The following MCM5 variants were observed in gnomAD, a reference collection of about 807,000 sequenced individuals.
MCM5 encodes minichromosome maintenance complex component 5, also known as DNA replication licensing factor MCM5.
In MCM5, 46 loss-of-function variants were observed where a neutral mutation model predicts 79.9. That is an observed-to-expected ratio of 0.58 (90% CI 0.45 to 0.74). The LOEUF is 0.74. Among genes scored for constraint, MCM5 ranks in the 30% least tolerant of loss-of-function variants. MCM5 has a pLI of 0.00. For synonymous variants in MCM5, 404 were observed against 390.5 expected (o/e 1.03, Z -0.41); for missense variants, 883 against 1,017.0 (o/e 0.87, Z 1.79).
At position 35,424,985 on chromosome 22, in the gene MCM5, T is replaced by A. The variant is rs1932765338; in HGVS notation, c.*730T>A. On this transcript the variant is annotated 3_prime_UTR_variant, in exon 17 of 17. Transcript: ENST00000216122. Reference sequence around the variant, plus strand: ...CAGGAACTAGGACTCCAGCCAGTTCTTTCCTGGTGGGCCACGTGTAACTGT... The same window carrying A: ...CAGGAACTAGGACTCCAGCCAGTTCATTCCTGGTGGGCCACGTGTAACTGT... 6.6e-6 allele frequency: 1 copy of A among 152,248 alleles called. No individual in the cohort carries two copies. Among genetic ancestry groups the A allele is most frequent in the Non-Finnish European group, 1.5e-5 (1 of 68,042 alleles). 9.4% of individuals were successfully genotyped at this position (152,248 alleles called of 1,614,324 possible).
At chr22:35,420,066 A>G in intron 14 of MCM5, 54 bp downstream of exon 14, 2 of 1,539,350 alleles carry the variant, frequency 1.3e-6, no homozygotes, top group Non-Finnish European at 1.8e-6. Flanking sequence ...TTTACACAGC[A>G]GGGTGTGCTT....
chr22:35,400,380 A>G (rs1932000792), intron 1 of MCM5, 51 bp from the exon 2 acceptor site: 2 of 1,604,258 alleles, frequency 1.2e-6, no homozygotes, highest in African/African-American at 2.7e-5. Context: ...GGAGGGGAGG[A>G]GGTGCCAGGC....
At chr22:35,453,819 T>TATAGAGAGAGAGAG in the MCM5 span, among the ~76,000 whole-genome samples, 94 of 81,538 alleles carry the variant, frequency 1.2e-3, 1 homozygote, top group African/African-American at 4.9e-3. Context: ...TATATATATA[T>TATAGAGAGAGAGAG]AGAGAGAGAG....
At chr22:35,453,782 CA>C in the MCM5 span, among the ~76,000 whole-genome samples, 497 of 121,796 alleles carry the variant, frequency 4.1e-3, 7 homozygotes, top group African/African-American at 0.016. Flanking sequence ...TATAGGAAGA[CA>C]GAGATAGAGA....
Position 35,424,869 on chromosome 22 carries a change from T to C in MCM5, c.*614T>C, listed in dbSNP as rs879619455. 1 of 152,270 alleles carries C rather than the reference T, an allele frequency of 6.6e-6. No individual in the cohort carries two copies. The highest frequency in any genetic ancestry group is 1.9e-4 in the East Asian group (1 of 5,198). The allele number at this position is 152,270 out of a possible 1,614,324, so 9.4% of individuals were successfully genotyped here. ...CTCTCCATGCCTTAGTTTCCTTATC[T>C]GTAAGCAGGCTGATACTAGAACCTG... On this transcript the variant is annotated 3_prime_UTR_variant, in exon 17 of 17. Coordinates refer to ENST00000216122, the MANE Select transcript of MCM5 (RefSeq NM_006739.4).
chr22:35,433,304 A>G, the MCM5 span, among the ~76,000 whole-genome samples: 1 of 152,156 alleles, frequency 6.6e-6, no homozygotes, highest in Non-Finnish European at 1.5e-5. Context: ...GTATCAAGTC[A>G]CCATCCATGT....
At chr22:35,407,983 C>T (rs1285332464) in intron 5 of MCM5, among the ~76,000 whole-genome samples, 1 of 152,160 alleles carries the variant, frequency 6.6e-6, no homozygotes, top group Non-Finnish European at 1.5e-5. Context: ...GACATAATTA[C>T]CTAGGGATAC....
intron 9 of MCM5, among the ~76,000 whole-genome samples, chr22:35,414,632 A>T (rs1023872778): frequency 2.6e-5 from 4 of 151,332 alleles, no homozygotes; most frequent in Non-Finnish European, 4.4e-5. Context: ...TAATAATAAT[A>T]AATAATAATA....
chr22:35,404,398 A>C (rs1209373876), intron 4 of MCM5, among the ~76,000 whole-genome samples: 1 of 152,198 alleles, frequency 6.6e-6, no homozygotes. Context: ...TGATTTGCTA[A>C]AGAAGCAGGA....
At chr22:35,453,813 T>TAGAGAG in the MCM5 span, among the ~76,000 whole-genome samples, 21 of 94,756 alleles carry the variant, frequency 2.2e-4, no homozygotes, top group South Asian at 3.8e-4. Context: ...TATATATATA[T>TAGAGAG]ATATATAGAG....
chr22:35,446,461 C>T, the MCM5 span, among the ~76,000 whole-genome samples: 2 of 152,184 alleles, frequency 1.3e-5, no homozygotes, highest in South Asian at 2.1e-4. Flanking sequence ...GTACCCCCAT[C>T]GCTGTACCTC....
chr22:35,412,744 A>C lies in MCM5; in HGVS notation c.1091+63A>C, dbSNP rs531561197. 18 of 1,310,194 alleles carry C rather than the reference A, an allele frequency of 1.4e-5. No homozygotes were observed. In the East Asian group the frequency reaches 4.4e-4, roughly 32 times the overall value. 81.2% of individuals were successfully genotyped at this position (1,310,194 alleles called of 1,614,324 possible). On this transcript the variant is annotated intron_variant, in intron 8 of 16. Transcript: ENST00000216122. ...TGATGATGGGGCTCACAGTAGGATA[A>C]TTACTGGATAATCAGGACTGGGCAC...
chr22:35,416,248 G>T, intron 10 of MCM5, 91 bp from the exon 11 acceptor site: 1 of 1,267,738 alleles, frequency 7.9e-7, no homozygotes, highest in Non-Finnish European at 1.1e-6. Context: ...TGGTATTCAG[G>T]AGTGAGGGCT....
At chr22:35,442,961 C>T in the MCM5 span, among the ~76,000 whole-genome samples, 1 of 152,142 alleles carries the variant, frequency 6.6e-6, no homozygotes, top group Non-Finnish European at 1.5e-5. Flanking sequence ...CCCCTTCTCA[C>T]GGGGTCCTAG....
the MCM5 span, among the ~76,000 whole-genome samples, chr22:35,447,668 T>G: frequency 6.6e-6 from 1 of 152,084 alleles, no homozygotes; most frequent in African/African-American, 2.4e-5. Context: ...GGTGTCACCA[T>G]GTTGGCCGGG....
At chr22:35,445,974 G>C in the MCM5 span, among the ~76,000 whole-genome samples, 1 of 152,196 alleles carries the variant, frequency 6.6e-6, no homozygotes, top group Non-Finnish European at 1.5e-5. Context: ...CAGCAACACT[G>C]CATCTGGTTT....
At chr22:35,420,049 G>T (rs1413434369) in intron 14 of MCM5, 37 bp downstream of exon 14, 1 of 1,576,552 alleles carries the variant, frequency 6.3e-7, no homozygotes, top group Non-Finnish European at 8.6e-7. Flanking sequence ...TGGCAGATGG[G>T]GCTTGCTTTA....
chr22:35,406,726 G>T lies in MCM5; in HGVS notation c.596+1G>T. The T allele has an allele frequency of 1.2e-6, 2 of 1,606,020 alleles. No homozygotes were observed. Among genetic ancestry groups the T allele is most frequent in the Non-Finnish European group, 1.7e-6 (2 of 1,179,898 alleles). ...ATGCCCTGCCCAGGAAGTGCAACAC[G>T]TGAGTCTGTGGCCCAGAGGGACTGT... On this transcript the variant is annotated splice_donor_variant, in intron 5 of 16. Coordinates refer to ENST00000216122, the MANE Select transcript of MCM5 (RefSeq NM_006739.4). LOFTEE classifies it high-confidence loss of function.
At chr22:35,430,144 A>C (rs1193059435), downstream of MCM5, among the ~76,000 whole-genome samples, 1 of 152,198 alleles carries the variant, frequency 6.6e-6, no homozygotes, top group East Asian at 1.9e-4. Flanking sequence ...GGTACCTTTC[A>C]GGGGCCTGCA....
Sources: gnomAD v4.1 joint callset for allele counts (sites outside exome capture counted in the v4.1 genomes callset) on GRCh38, gnomAD v4.1.1 for gene constraint, MANE v1.5 for transcripts, NCBI Gene and HGNC (gene_info 2026-07-23, HGNC 2026-07-21) for gene names.